The following PTPRK variants were observed in gnomAD, a reference collection of about 807,000 sequenced individuals.
PTPRK encodes receptor-type tyrosine-protein phosphatase kappa.
In PTPRK, 75 loss-of-function variants were observed where a neutral mutation model predicts 178.0. That is an observed-to-expected ratio of 0.42 (90% CI 0.35 to 0.51). The LOEUF is 0.51. Ranked by LOEUF, PTPRK falls within the 20% of genes least tolerant of loss-of-function variation. The pLI is 0.02. For synonymous variants in PTPRK, 637 were observed against 620.6 expected (o/e 1.03, Z -0.39); for missense variants, 1,441 against 1,797.8 (o/e 0.80, Z 3.59).
intron 2 of PTPRK, among the ~76,000 whole-genome samples, chr6:128,326,222 C>T (rs1048989525): frequency 5.3e-5 from 8 of 151,966 alleles, no homozygotes; most frequent in Non-Finnish European, 8.8e-5. Flanking sequence ...AACGGGTTGA[C>T]GAGTGCAGCA....
intron 1 of PTPRK, among the ~76,000 whole-genome samples, chr6:128,464,861 C>A (rs1849650405): frequency 6.9e-6 from 1 of 145,660 alleles, no homozygotes; most frequent in African/African-American, 2.5e-5. Context: ...AATAACAACA[C>A]AAAAAAAACA....
intron 13 of PTPRK, among the ~76,000 whole-genome samples, chr6:128,059,791 G>A (rs776503462): frequency 8.6e-5 from 13 of 152,010 alleles, no homozygotes; most frequent in African/African-American, 2.4e-4. Flanking sequence ...CTTCAGGTCC[G>A]TTCTATTTTT....
At chr6:128,208,557 G>A (rs928255474) in intron 6 of PTPRK, among the ~76,000 whole-genome samples, 11 of 152,172 alleles carry the variant, frequency 7.2e-5, no homozygotes, top group African/African-American at 2.6e-4. Flanking sequence ...TATCTTACAT[G>A]TGTTTTTATA....
At chr6:128,370,973 C>T (rs147194042) in intron 2 of PTPRK, among the ~76,000 whole-genome samples, 4 of 152,098 alleles carry the variant, frequency 2.6e-5, no homozygotes, top group Non-Finnish European at 5.9e-5. Flanking sequence ...TTTCACTATA[C>T]TTGAATTCTT....
intron 13 of PTPRK, among the ~76,000 whole-genome samples, chr6:128,013,352 A>G (rs1779253332): frequency 6.6e-6 from 1 of 151,398 alleles, no homozygotes; most frequent in Non-Finnish European, 1.5e-5. Context: ...CCATCCTGAT[A>G]ACTGATCACT....
intron 13 of PTPRK, among the ~76,000 whole-genome samples, chr6:128,060,079 G>A (rs569991696): frequency 1.5e-4 from 23 of 152,114 alleles, no homozygotes; most frequent in African/African-American, 2.2e-4. Flanking sequence ...GAGAGGTTCC[G>A]GGGTCCAATG....
intron 8 of PTPRK, among the ~76,000 whole-genome samples, chr6:128,087,465 G>C (rs1342710091): frequency 6.6e-6 from 1 of 151,992 alleles, no homozygotes; most frequent in Non-Finnish European, 1.5e-5. Context: ...TGGAGCTATT[G>C]AATCTGTAGT....
At chr6:128,204,225 A>G (rs913005788) in intron 6 of PTPRK, among the ~76,000 whole-genome samples, 2 of 152,238 alleles carry the variant, frequency 1.3e-5, no homozygotes, top group African/African-American at 4.8e-5. Flanking sequence ...AGCCAAATGC[A>G]GAAAATTGAA....
chr6:128,353,022 A>G (rs1280316304), intron 2 of PTPRK, among the ~76,000 whole-genome samples: 1 of 152,230 alleles, frequency 6.6e-6, no homozygotes, highest in Non-Finnish European at 1.5e-5. Context: ...CTTGAAAACC[A>G]TCAATAAAAG....
intron 1 of PTPRK, among the ~76,000 whole-genome samples, chr6:128,480,455 T>A (rs1357420697): frequency 6.6e-6 from 1 of 152,154 alleles, no homozygotes; most frequent in Non-Finnish European, 1.5e-5. Flanking sequence ...TCTAAAAAAC[T>A]ACCATTTCCA....
At chr6:128,090,734 A>T (rs1439214331) in intron 7 of PTPRK, among the ~76,000 whole-genome samples, 1 of 152,194 alleles carries the variant, frequency 6.6e-6, no homozygotes, top group East Asian at 1.9e-4. Context: ...CTGCTTCCCA[A>T]GTGTATTCTT....
chr6:128,105,207 C>T (rs536266312), intron 7 of PTPRK, among the ~76,000 whole-genome samples: 2 of 151,774 alleles, frequency 1.3e-5, no homozygotes, highest in East Asian at 3.9e-4. Context: ...GATCTCGGCT[C>T]ACCGCAAGCT....
chr6:128,180,059 T>C (rs764860364), intron 7 of PTPRK, among the ~76,000 whole-genome samples: 1 of 152,124 alleles, frequency 6.6e-6, no homozygotes, highest in Non-Finnish European at 1.5e-5. Context: ...CACTCTGAAC[T>C]ATTGACCTTC....
intron 1 of PTPRK, among the ~76,000 whole-genome samples, chr6:128,464,657 A>ATATATG (rs1554271946): frequency 1.7e-5 from 2 of 116,216 alleles, no homozygotes; most frequent in Non-Finnish European, 3.7e-5. Flanking sequence ...ATATATATAT[A>ATATATG]TATATATATA....
intron 14 of PTPRK, among the ~76,000 whole-genome samples, chr6:128,008,602 T>C (rs1373368198): frequency 6.6e-6 from 1 of 151,148 alleles, no homozygotes; most frequent in Non-Finnish European, 1.5e-5. Flanking sequence ...GTTGATATAG[T>C]ATAAAAAGTT....
chr6:128,016,452 AT>A (rs1779605190), intron 13 of PTPRK, among the ~76,000 whole-genome samples: 2 of 151,882 alleles, frequency 1.3e-5, no homozygotes, highest in East Asian at 3.9e-4. Context: ...GACACTTCTC[AT>A]ATGAGGGTCT....
At chr6:128,380,274 T>C (rs1000933112) in intron 2 of PTPRK, among the ~76,000 whole-genome samples, 1 of 151,960 alleles carries the variant, frequency 6.6e-6, no homozygotes, top group Non-Finnish European at 1.5e-5. Flanking sequence ...CTTGAAAGGA[T>C]GAAAATAAAA....
At chr6:128,474,228 A>T (rs941863068) in intron 1 of PTPRK, among the ~76,000 whole-genome samples, 1 of 152,174 alleles carries the variant, frequency 6.6e-6, no homozygotes, top group African/African-American at 2.4e-5. Flanking sequence ...GTTGTAAGAG[A>T]AACATGAATG....
intron 7 of PTPRK, among the ~76,000 whole-genome samples, chr6:128,151,695 G>A (rs978510348): frequency 2.0e-5 from 3 of 151,938 alleles, no homozygotes; most frequent in African/African-American, 7.2e-5. Flanking sequence ...TGTAGAGAAC[G>A]TGGTATCTTA....
Sources: gnomAD v4.1 joint callset for allele counts (sites outside exome capture counted in the v4.1 genomes callset) on GRCh38, gnomAD v4.1.1 for gene constraint, MANE v1.5 for transcripts, NCBI Gene and HGNC (gene_info 2026-07-23, HGNC 2026-07-21) for gene names.